Variants in AP5M1 observed in about 807,000 individuals in gnomAD.
AP5M1 encodes the protein AP-5 complex subunit mu-1.
Under a neutral mutation model 52.3 loss-of-function variants are expected in AP5M1, and 44 were observed. The observed-to-expected ratio is 0.84, with a 90% confidence interval of 0.66 to 1.08. The LOEUF (loss-of-function observed/expected upper bound fraction) is 1.08, where lower values mean the gene tolerates loss of function less well. Among genes scored for constraint, AP5M1 ranks in the 50% least tolerant of loss-of-function variants. The pLI is 0.00. For synonymous variants in AP5M1, 213 were observed against 199.0 expected, an observed-to-expected ratio of 1.07 and a Z score of -0.59; for missense variants, 526 against 568.4, an observed-to-expected ratio of 0.93 and a Z score of 0.76.
chr14:57,274,678 G>A lies in AP5M1; in HGVS notation c.509G>A (p.Gly170Asp). Residue 170 changes from glycine to aspartate, a missense_variant, in exon 2 of 8, where the codon GGT becomes GAT. By Grantham distance (94) the Gly-to-Asp change is moderately conservative. Around this residue, in one of 3 missense-constraint regions of AP5M1, gnomAD observed 425 missense variants for 430.6 expected, o/e 0.99. Transcript: ENST00000261558. ...PDLLLQACPF[G>D]TLLDANLQNS... is the part of the protein sequence containing the mutation. ...TTGCTTCTGCAGGCTTGTCCATTTGGTACTTTATTAGATGCCAACTTACAG... is the reference window on the plus strand; with the variant it reads ...TTGCTTCTGCAGGCTTGTCCATTTGATACTTTATTAGATGCCAACTTACAG... 6.2e-7 allele frequency: 1 copy of A among 1,614,138 alleles called. No homozygotes were observed. The highest frequency in any genetic ancestry group is 2.2e-5 in the East Asian group (1 of 44,882).
At chr14:57,277,762 A>G (rs1033491019) in intron 2 of AP5M1, among the ~76,000 whole-genome samples, 4 of 151,876 alleles carry the variant, frequency 2.6e-5, no homozygotes, top group African/African-American at 7.3e-5. Flanking sequence ...AAGTAGGTTT[A>G]TAATTAGAAA....
chr14:57,286,043 CTG>C (rs1335195917), intron 6 of AP5M1, among the ~76,000 whole-genome samples, 178 bp from the exon 7 acceptor site: 1 of 152,002 alleles, frequency 6.6e-6, no homozygotes, highest in Non-Finnish European at 1.5e-5. Flanking sequence ...GAAAAAAAAA[CTG>C]TGTGTGTTTT....
In AP5M1 at chr14:57,274,322, T is replaced by G. The variant is rs751330068; in HGVS notation, c.153T>G (p.Phe51Leu). The G allele has an allele frequency of 6.2e-7, 1 of 1,614,202 alleles. No homozygotes were observed. Among genetic ancestry groups the G allele is most frequent in the East Asian group, 2.2e-5 (1 of 44,886 alleles). Reference protein sequence around the residue: ...SYVPVPEDGPFLKALLFELRL... With the variant: ...SYVPVPEDGPLLKALLFELRL... ...TGCCTGTTCCTGAAGATGGTCCCTT[T>G]CTTAAAGCACTGCTCTTTGAACTTA... The change falls in exon 2 of 8, where the codon TTT becomes TTG. Residue 51 changes from phenylalanine (F) to leucine (L), a missense_variant. Phe to Leu is a conservative substitution (Grantham distance 22, BLOSUM62 0). Coordinates refer to ENST00000261558, the MANE Select transcript of AP5M1 (RefSeq NM_018229.4).
In AP5M1 at chr14:57,296,230, G is replaced by A. The variant is rs1885550324; in HGVS notation, c.*7346G>A. 6.6e-6 allele frequency: 1 copy of A among 151,956 alleles called. No homozygotes were observed. Among genetic ancestry groups the A allele is most frequent in the Non-Finnish European group, 1.5e-5 (1 of 67,924 alleles). The allele number at this position is 151,956 out of a possible 1,614,324, so 9.4% of individuals were successfully genotyped here. ...TTACTGAATACAAGTTTAGTATTCT[G>A]TAATCCCTTATGGATTGGCTGATTT... On this transcript the variant is annotated 3_prime_UTR_variant, in exon 8 of 8. Coordinates refer to ENST00000261558, the MANE Select transcript of AP5M1 (RefSeq NM_018229.4).
chr14:57,282,301 C>T, intron 4 of AP5M1, 73 bp downstream of exon 4: 1 of 1,211,074 alleles, frequency 8.3e-7, no homozygotes, highest in South Asian at 1.9e-5. Context: ...AGTAAATTGT[C>T]TTTGTCTTTT....
At position 57,291,888 on chromosome 14, in the gene AP5M1, T is replaced by C. The variant is rs991920407; in HGVS notation, c.*3004T>C. On this transcript the variant is annotated 3_prime_UTR_variant, in exon 8 of 8. Coordinates refer to ENST00000261558, the MANE Select transcript of AP5M1 (RefSeq NM_018229.4). Reference sequence around the variant, plus strand: ...GTGGAATTATCATCCAGGCCTTCTGTAGGGACTGCTGCCACAACAGAGTGG... The same window carrying C: ...GTGGAATTATCATCCAGGCCTTCTGCAGGGACTGCTGCCACAACAGAGTGG... 6.6e-6 allele frequency: 1 copy of C among 151,720 alleles called. No homozygotes were observed. Among genetic ancestry groups the C allele is most frequent in the Non-Finnish European group, 1.5e-5 (1 of 67,776 alleles). The allele number at this position is 151,720 out of a possible 1,614,324, so 9.4% of individuals were successfully genotyped here.
intron 1 of AP5M1, 57 bp downstream of exon 1, chr14:57,269,445 T>A: frequency 6.3e-7 from 1 of 1,579,938 alleles, no homozygotes; most frequent in Admixed American, 1.7e-5. Context: ...TGAAGTAGCA[T>A]AGTTTTGTGG....
At chr14:57,281,756 T>C (rs532712909) in intron 3 of AP5M1, among the ~76,000 whole-genome samples, 7 of 152,360 alleles carry the variant, frequency 4.6e-5, no homozygotes, top group African/African-American at 7.2e-5. Flanking sequence ...TGGGATTCAA[T>C]TGGAGCAACA....
intron 6 of AP5M1, among the ~76,000 whole-genome samples, chr14:57,285,354 A>G (rs969245165): frequency 6.6e-6 from 1 of 152,176 alleles, no homozygotes; most frequent in Non-Finnish European, 1.5e-5. Context: ...CATTCCCATC[A>G]CCAACCAGTT....
intron 6 of AP5M1, among the ~76,000 whole-genome samples, chr14:57,285,305 T>A (rs1456275449): frequency 6.6e-6 from 1 of 152,208 alleles, no homozygotes; most frequent in Non-Finnish European, 1.5e-5. Flanking sequence ...TACCACACAT[T>A]CTATGTCCTT....
At chr14:57,275,345 T>C (rs754968919) in intron 2 of AP5M1, 36 of 176,492 alleles carry the variant, frequency 2.0e-4, no homozygotes, top group Non-Finnish European at 3.8e-4. Flanking sequence ...ACTGGCTGCT[T>C]AAGTGTCCTC....
intron 1 of AP5M1, chr14:57,271,374 C>T (rs893399304): frequency 6.6e-6 from 1 of 152,190 alleles, no homozygotes; most frequent in African/African-American, 2.4e-5. Context: ...AAGGGGTTCC[C>T]GTATCTCCAT....
Position 57,269,352 on chromosome 14 carries a change from C to G in AP5M1, c.38C>G (p.Pro13Arg). Reference sequence around the variant, plus strand: ...GCAGTGTGGCTCATAAGCCACGAACCGGGAACTCCACTTTGTGGCACCGTG... The same window carrying G: ...GCAGTGTGGCTCATAAGCCACGAACGGGGAACTCCACTTTGTGGCACCGTG... Reference protein sequence around the residue: ...QRAVWLISHEPGTPLCGTVRF... With the variant: ...QRAVWLISHERGTPLCGTVRF... Residue 13 changes from proline to arginine, a missense_variant, in exon 1 of 8, where the codon CCG becomes CGG. Pro to Arg is a moderately radical substitution (Grantham distance 103). This residue lies in a region of AP5M1 where 425 missense variants were observed against 430.6 expected (regional missense o/e 0.99). Coordinates refer to ENST00000261558, the MANE Select transcript of AP5M1 (RefSeq NM_018229.4). The G allele has an allele frequency of 1.2e-6, 2 of 1,614,062 alleles. No individual in the cohort carries two copies. Among genetic ancestry groups the G allele is most frequent in the Non-Finnish European group, 8.5e-7 (1 of 1,180,006 alleles).
intron 2 of AP5M1, chr14:57,278,605 A>C (rs542544628): frequency 6.6e-6 from 1 of 152,376 alleles, no homozygotes. Flanking sequence ...TCTACATAGC[A>C]AAGGTAGGCT....
rs913468343 is a variant in AP5M1, at chr14:57,283,246, C to T, written c.1293+16C>T. On this transcript the variant is annotated intron_variant, in intron 6 of 7. Coordinates refer to ENST00000261558, the MANE Select transcript of AP5M1 (RefSeq NM_018229.4). The stretch of plus-strand genomic sequence containing the variant: ...ATATTTAAAGGTAAACATATTTATA[C>T]AGCTCACTACAGTAGCACCCTTCCT... 3 of 1,395,864 alleles carry T rather than the reference C, an allele frequency of 2.1e-6. No homozygotes were observed. The highest frequency in any genetic ancestry group is 3.0e-6 in the Non-Finnish European group (3 of 990,436). The allele number at this position is 1,395,864 out of a possible 1,614,324, so 86.5% of individuals were successfully genotyped here.
chr14:57,281,908 A>G (rs770842303), intron 3 of AP5M1, among the ~76,000 whole-genome samples, 181 bp from the exon 4 acceptor site: 2 of 152,194 alleles, frequency 1.3e-5, no homozygotes, highest in Non-Finnish European at 2.9e-5. Flanking sequence ...CGCTTTTCTC[A>G]TCTCCGAAAA....
At chr14:57,269,499 G>A in intron 1 of AP5M1, 111 bp downstream of exon 1, 1 of 1,008,002 alleles carries the variant, frequency 9.9e-7, no homozygotes, top group Non-Finnish European at 1.5e-6. Flanking sequence ...CGTGACCTTG[G>A]GCTAGCCAGT....
chr14:57,288,145 G>A (rs1304581511), intron 7 of AP5M1, among the ~76,000 whole-genome samples: 1 of 151,768 alleles, frequency 6.6e-6, no homozygotes, highest in African/African-American at 2.4e-5. Flanking sequence ...AAGAAAGGTA[G>A]AACAGGCTGA....
chr14:57,290,298 A>T lies in AP5M1; in HGVS notation c.*1414A>T, dbSNP rs553999518. 1 of 152,096 alleles carries T rather than the reference A, an allele frequency of 6.6e-6. No individual in the cohort carries two copies. Among genetic ancestry groups the T allele is most frequent in the South Asian group, 2.1e-4 (1 of 4,830 alleles). 9.4% of individuals were successfully genotyped at this position (152,096 alleles called of 1,614,324 possible). On this transcript the variant is annotated 3_prime_UTR_variant, in exon 8 of 8. Coordinates refer to ENST00000261558, the MANE Select transcript of AP5M1 (RefSeq NM_018229.4). ...TTCAAAATTATCCCAAGTAACAAAGAAAAAAAGAATAACTGCCTGACCAGG... is the reference window on the plus strand; with the variant it reads ...TTCAAAATTATCCCAAGTAACAAAGTAAAAAAGAATAACTGCCTGACCAGG...
Sources: gnomAD v4.1 joint callset for allele counts (sites outside exome capture counted in the v4.1 genomes callset) on GRCh38, gnomAD v4.1.1 for gene constraint, gnomAD v4.1.1 regional missense constraint, MANE v1.5 for transcripts, NCBI Gene and HGNC (gene_info 2026-07-23, HGNC 2026-07-21) for gene names.